Variants in C10orf67 observed in about 807,000 individuals in gnomAD.
C10orf67 encodes chromosome 10 open reading frame 67, also known as uncharacterized protein C10orf67, mitochondrial.
Under a neutral mutation model 35.6 loss-of-function variants are expected in C10orf67, and 60 were observed. The ratio of observed to expected loss-of-function variants is 1.68; its 90% CI spans 1.37 to 2.09. The LOEUF (loss-of-function observed/expected upper bound fraction) is 2.09, where lower values mean the gene tolerates loss of function less well. C10orf67 is among the 30% of genes most tolerant of loss of function. The probability of loss-of-function intolerance (pLI) is 0.00; values close to 1 mark genes in which losing one functional copy is unlikely to be tolerated. For missense variants in C10orf67, 474 were observed against 330.2 expected (o/e 1.44, Z -3.38); for synonymous variants, 167 against 115.8 (o/e 1.44, Z -2.84).
At chr10:23,313,037 A>G (rs947433690) in intron 4 of C10orf67, among the ~76,000 whole-genome samples, 35 of 151,612 alleles carry the variant, frequency 2.3e-4, no homozygotes, top group African/African-American at 8.5e-4. Flanking sequence ...CTCTTTTATC[A>G]CCTCCCCACC....
chr10:23,212,843 A>G (rs548083271), intron 15 of C10orf67, among the ~76,000 whole-genome samples: 1 of 150,506 alleles, frequency 6.6e-6, no homozygotes, highest in African/African-American at 2.4e-5. Flanking sequence ...TGCAAACCTA[A>G]GTTCCAAAAT....
At chr10:23,329,812 A>AAAAAAAG (rs905791499) in intron 2 of C10orf67, among the ~76,000 whole-genome samples, 11 of 148,500 alleles carry the variant, frequency 7.4e-5, no homozygotes, top group Non-Finnish European at 1.0e-4. Context: ...AAAAAAAAAA[A>AAAAAAAG]AAAAGAAAAG....
chr10:23,319,071 A>G (rs1347187873), intron 4 of C10orf67, among the ~76,000 whole-genome samples: 1 of 152,170 alleles, frequency 6.6e-6, no homozygotes, highest in African/African-American at 2.4e-5. Flanking sequence ...ATTGCACGTC[A>G]CAGGGTTTGG....
rs111611235 is a variant in C10orf67 at position 23,325,311 on chromosome 10, C to T, written c.328-2774G>A. Among the ~76,000 whole-genome samples, 315 of 152,008 alleles carry T rather than the reference C, an allele frequency of 2.1e-3. 1 individual carries two copies. Among genetic ancestry groups the T allele is most frequent in the African/African-American group, 7.1e-3 (294 of 41,470 alleles). ...TATGACTGTGCTACTGCATTCCACC[C>T]TGGGCAACAGAGGGAGACTCTGTCT... is the stretch of plus-strand genomic sequence containing the variant. On this transcript the variant is annotated intron_variant, in intron 2 of 15. Coordinates refer to ENST00000636213, the MANE Select transcript of C10orf67 (RefSeq NM_001371909.1).
intron 1 of C10orf67, chr10:23,344,290 G>C: frequency 4.1e-6 from 2 of 483,492 alleles, no homozygotes; most frequent in East Asian, 4.0e-5. Flanking sequence ...GAAGGAGTGG[G>C]GGAAGGGGGA....
chr10:23,327,532 T>G (rs542976375), intron 2 of C10orf67, among the ~76,000 whole-genome samples: 3 of 152,260 alleles, frequency 2.0e-5, no homozygotes, highest in Admixed American at 1.3e-4. Context: ...ATACAGATTT[T>G]TTAAAATTTC....
At chr10:23,253,574 C>A (rs1019542654) in intron 10 of C10orf67, among the ~76,000 whole-genome samples, 5 of 152,096 alleles carry the variant, frequency 3.3e-5, no homozygotes, top group African/African-American at 1.2e-4. Flanking sequence ...GAAAACAAAT[C>A]AGTAGAACAA....
chr10:23,239,756 C>A lies in C10orf67; in HGVS notation c.1407G>T (p.Val469=). 1.5e-6 allele frequency: 1 copy of A among 660,320 alleles called. No homozygotes were observed. The highest frequency in any genetic ancestry group is 2.9e-6 in the Non-Finnish European group (1 of 342,932). The allele number at this position is 660,320 out of a possible 1,614,324, so 40.9% of individuals were successfully genotyped here. The stretch of plus-strand genomic sequence containing the variant: ...TATAATTGAAGGATGTGTCAGCAAG[C>A]ACTGCAAACTGACGAAACAGTGTGT... ...TRHTLFRQFA[V]LADTSFNYIK... The change falls in exon 13 of 16, where the codon GTG becomes GTT. Residue 469 remains valine (V), a synonymous_variant. Coordinates refer to ENST00000636213, the MANE Select transcript of C10orf67 (RefSeq NM_001371909.1).
At chr10:23,329,735 G>A (rs1359674573) in intron 2 of C10orf67, among the ~76,000 whole-genome samples, 4 of 139,134 alleles carry the variant, frequency 2.9e-5, no homozygotes, top group Non-Finnish European at 6.0e-5. Context: ...AGGAGTTCAA[G>A]GTCACAGTGA....
chr10:23,283,192 A>C (rs1422912806), intron 7 of C10orf67, among the ~76,000 whole-genome samples: 1 of 152,200 alleles, frequency 6.6e-6, no homozygotes, highest in Non-Finnish European at 1.5e-5. Context: ...ATATACACCT[A>C]CTAGGTACCC....
chr10:23,327,188 G>C (rs909303429), intron 2 of C10orf67, among the ~76,000 whole-genome samples: 1 of 151,838 alleles, frequency 6.6e-6, no homozygotes, highest in African/African-American at 2.4e-5. Context: ...GGAGAGTAGG[G>C]AAGGAGAAAA....
intron 10 of C10orf67, among the ~76,000 whole-genome samples, chr10:23,257,544 T>G (rs1842635449): frequency 1.3e-5 from 2 of 152,290 alleles, no homozygotes; most frequent in East Asian, 3.9e-4. Context: ...GGCTTACACC[T>G]GTAATCCCAG....
intron 4 of C10orf67, among the ~76,000 whole-genome samples, chr10:23,314,176 A>C (rs558862177): frequency 3.6e-4 from 51 of 142,092 alleles, no homozygotes; most frequent in African/African-American, 1.4e-3. Flanking sequence ...AGACAGAGCA[A>C]GACTCTGTTT....
intron 7 of C10orf67, among the ~76,000 whole-genome samples, chr10:23,286,475 AAAGAAGGAAGGGAGGG>A (rs1222556242): frequency 1.5e-5 from 1 of 67,472 alleles, no homozygotes; most frequent in Admixed American, 1.4e-4. Flanking sequence ...GAAGGGAAGC[AAAGAAGGAAGGGAGGG>A]AAGAAGGAAG....
At chr10:23,307,891 C>A (rs1200250364) in intron 4 of C10orf67, among the ~76,000 whole-genome samples, 1 of 152,068 alleles carries the variant, frequency 6.6e-6, no homozygotes, top group Non-Finnish European at 1.5e-5. Context: ...AGTCCTGGGA[C>A]TACAGAGCCA....
chr10:23,286,490 G>C (rs1464282808), intron 7 of C10orf67, among the ~76,000 whole-genome samples: 1 of 80,594 alleles, frequency 1.2e-5, no homozygotes, highest in African/African-American at 4.9e-5. Flanking sequence ...AGGAAGGGAG[G>C]GAAGAAGGAA....
chr10:23,343,255 A>T (rs1275142413), intron 1 of C10orf67, among the ~76,000 whole-genome samples: 1 of 152,216 alleles, frequency 6.6e-6, no homozygotes, highest in Non-Finnish European at 1.5e-5. Flanking sequence ...TGACTAGGTC[A>T]TGAAAGTGGA....
intron 12 of C10orf67, among the ~76,000 whole-genome samples, chr10:23,240,061 C>G (rs1374049219): frequency 6.6e-6 from 1 of 151,996 alleles, no homozygotes; most frequent in Non-Finnish European, 1.5e-5. Flanking sequence ...CGTGGTGGTA[C>G]ATGCCTGTAG....
intron 13 of C10orf67, among the ~76,000 whole-genome samples, chr10:23,233,684 G>C (rs562836748): frequency 1.4e-4 from 22 of 152,184 alleles, no homozygotes; most frequent in Non-Finnish European, 2.9e-4. Context: ...AGACTAGAAG[G>C]AAGAGGGGAA....
Sources: allele counts gnomAD v4.1 joint callset (sites outside exome capture counted in the v4.1 genomes callset), GRCh38; gene constraint gnomAD v4.1.1; transcripts MANE v1.5; gene names NCBI Gene and HGNC (gene_info 2026-07-23, HGNC 2026-07-21).